C12orf76: variants seen among roughly 807,000 people sequenced by gnomAD.
The protein encoded by C12orf76 is uncharacterized protein C12orf76.
Under a neutral mutation model 6.8 loss-of-function variants are expected in C12orf76, and 6 were observed. That is an observed-to-expected ratio of 0.88 (90% confidence interval 0.48 to 1.73). The LOEUF (loss-of-function observed/expected upper bound fraction) is 1.73. C12orf76 is among the 40% of genes most tolerant of loss of function. The probability of loss-of-function intolerance (pLI) is 0.01; values close to 1 mark genes in which losing one functional copy is unlikely to be tolerated. For synonymous variants in C12orf76, 56 were observed against 43.7 expected (o/e 1.28, Z -1.11); for missense variants, 99 against 98.2 (o/e 1.01, Z -0.03).
At chr12:110,049,924 G>A (rs1212836645), upstream of C12orf76, 4 of 152,162 alleles carry the variant, frequency 2.6e-5, no homozygotes, top group Non-Finnish European at 5.9e-5. Context: ...CCACCTACTT[G>A]CTCAAATCAA....
intron 2 of C12orf76, among the ~76,000 whole-genome samples, chr12:110,063,719 C>T (rs991509185): frequency 6.6e-6 from 1 of 151,432 alleles, no homozygotes; most frequent in African/African-American, 2.4e-5. Context: ...TGCCCGCCTC[C>T]CAGGTTCAAG....
At chr12:110,068,073 C>T (rs1046578960), upstream of C12orf76, among the ~76,000 whole-genome samples, 5 of 151,450 alleles carry the variant, frequency 3.3e-5, no homozygotes, top group Non-Finnish European at 5.9e-5. Flanking sequence ...ATTAGCTGGG[C>T]GTAGTGGGGC....
chr12:110,067,613 T>A lies in C12orf76; in HGVS notation n.83A>T, dbSNP rs182994616. 66 of 981,650 alleles carry A rather than the reference T, an allele frequency of 6.7e-5. No individual in the cohort carries two copies. In the East Asian group the frequency reaches 2.9e-3, roughly 42 times the overall value. 60.8% of individuals were successfully genotyped at this position (981,650 alleles called of 1,614,324 possible). ...ATCTTCTCGAACTCCAGACCTCAGG[T>A]GATCCACCCACCTCGGCCTCTCAAA... On this transcript the variant is annotated non_coding_transcript_exon_variant, in exon 1 of 5. Coordinates refer to the C12orf76 transcript ENST00000309050.
chr12:110,072,487 G>GTT (rs201812575), upstream of C12orf76, among the ~76,000 whole-genome samples: 3 of 150,548 alleles, frequency 2.0e-5, no homozygotes, highest in South Asian at 2.1e-4. Flanking sequence ...AGGAGTGTGG[G>GTT]TTTTTTTTGT....
rs577017265 is a variant in C12orf76, at chr12:110,067,353, TAGG to T, written n.206+134_206+136del. On this transcript the variant is annotated intron_variant and non_coding_transcript_variant, in intron 1 of 4. Transcript: ENST00000309050. ...ACTGAGGAAGGAACCAAGGTAAGAA[TAGG>T]AGCTCAACAATTACCTAGATAGAGT... 3,496 of 948,324 alleles carry T rather than the reference TAGG, an allele frequency of 3.7e-3. 7 individuals are homozygous for T. Among genetic ancestry groups the T allele is most frequent in the Non-Finnish European group, 4.3e-3 (3,418 of 796,162 alleles). The allele number at this position is 948,324 out of a possible 1,614,324, so 58.7% of individuals were successfully genotyped here.
At chr12:110,057,080 G>A in intron 4 of C12orf76, 1 of 723,390 alleles carries the variant, frequency 1.4e-6, no homozygotes, top group Non-Finnish European at 2.5e-6. Context: ...GGAACCCTCA[G>A]GCTGCTTGTG....
chr12:110,043,310 T>C (rs1892364431), intron 1 of C12orf76, among the ~76,000 whole-genome samples: 3 of 151,568 alleles, frequency 2.0e-5, no homozygotes, highest in African/African-American at 2.4e-5. Context: ...ACACGGATTT[T>C]AAGTTTAAAG....
At chr12:110,062,427 T>C (rs1362368502) in intron 2 of C12orf76, among the ~76,000 whole-genome samples, 1 of 151,048 alleles carries the variant, frequency 6.6e-6, no homozygotes, top group Middle Eastern at 3.2e-3. Flanking sequence ...GGGGAGAGAG[T>C]GGGAGTGGGG....
Position 110,058,866 on chromosome 12 carries a change from C to T in C12orf76, n.556+122G>A, listed in dbSNP as rs113278622. ...TTTGGTAACCCTAATATGTCCTTACCATGTGCCAACCACTCTTCTAAGTCT... is the reference window on the plus strand; with the variant it reads ...TTTGGTAACCCTAATATGTCCTTACTATGTGCCAACCACTCTTCTAAGTCT... On this transcript the variant is annotated intron_variant and non_coding_transcript_variant, in intron 3 of 4. Transcript: ENST00000309050. The T allele has an allele frequency of 5.7e-4, 661 of 1,157,188 alleles. 4 individuals are homozygous for T. In the African/African-American group the frequency reaches 9.6e-3, roughly 17 times the overall value. The allele number at this position is 1,157,188 out of a possible 1,614,324, so 71.7% of individuals were successfully genotyped here. A position where few individuals can be genotyped will look rare whatever the true frequency, so the allele number is the denominator to read the frequency against.
At chr12:110,067,531 T>G in exon 1 of C12orf76, 1 of 985,544 alleles carries the variant, frequency 1.0e-6, no homozygotes, top group Non-Finnish European at 1.2e-6. Context: ...TAACAGGATC[T>G]TCCTTCCTAA....
chr12:110,042,783 T>C (rs1407117339), intron 1 of C12orf76, among the ~76,000 whole-genome samples: 2 of 150,540 alleles, frequency 1.3e-5, no homozygotes, highest in East Asian at 3.9e-4. Flanking sequence ...ACAGGCCGAG[T>C]GTGGTGGCTC....
At chr12:110,048,710 C>G, upstream of C12orf76, 1 of 1,217,758 alleles carries the variant, frequency 8.2e-7, no homozygotes, top group Non-Finnish European at 1.0e-6. Context: ...ACTTTCCGTT[C>G]AGATCAACTT....
chr12:110,048,774 C>T, upstream of C12orf76: 1 of 722,052 alleles, frequency 1.4e-6, no homozygotes, highest in Non-Finnish European at 1.8e-6. Flanking sequence ...TTAGCGTTCC[C>T]TCATCCATTG....
upstream of C12orf76, chr12:110,048,695 G>GA (rs1179527652): frequency 2.4e-6 from 3 of 1,240,538 alleles, no homozygotes; most frequent in Non-Finnish European, 3.0e-6. Context: ...GTTTCCCCCG[G>GA]ACCAACTTTC....
intron 2 of C12orf76, among the ~76,000 whole-genome samples, chr12:110,061,633 T>C (rs1892774009): frequency 6.6e-6 from 1 of 151,960 alleles, no homozygotes; most frequent in Non-Finnish European, 1.5e-5. Flanking sequence ...GCTGCCTGTG[T>C]TCAAGTGATT....
At chr12:110,043,686 T>C (rs1892375400) in intron 1 of C12orf76, among the ~76,000 whole-genome samples, 1 of 151,932 alleles carries the variant, frequency 6.6e-6, no homozygotes, top group Non-Finnish European at 1.5e-5. Context: ...ACCATGTCTC[T>C]ACTAAAAATA....
intron 1 of C12orf76, among the ~76,000 whole-genome samples, chr12:110,073,215 C>T (rs190827379): frequency 1.4e-4 from 21 of 152,288 alleles, no homozygotes; most frequent in African/African-American, 4.6e-4. Flanking sequence ...GAATCCCGCT[C>T]GCCTTCCATG....
At chr12:110,068,258 AGAAGAAGAAGAAGAAGAAGAAG>A (rs1892905485), upstream of C12orf76, among the ~76,000 whole-genome samples, 1 of 81,954 alleles carries the variant, frequency 1.2e-5, no homozygotes, top group Non-Finnish European at 2.7e-5. Flanking sequence ...AAGAAGAAGA[AGAAGAAGAAGAAGAAGAAGAAG>A]AAGAAGAAGA....
At chr12:110,072,858 G>T (rs779084385) in intron 1 of C12orf76, among the ~76,000 whole-genome samples, 1 of 150,428 alleles carries the variant, frequency 6.6e-6, no homozygotes, top group African/African-American at 2.5e-5. Flanking sequence ...GGAGGCAGGC[G>T]AATCTCCTGA....
Sources: gnomAD v4.1 joint callset for allele counts (sites outside exome capture counted in the v4.1 genomes callset) on GRCh38, gnomAD v4.1.1 for gene constraint, MANE v1.5 for transcripts, NCBI Gene and HGNC (gene_info 2026-07-23, HGNC 2026-07-21) for gene names.